GCKR: variants seen among roughly 807,000 people sequenced by gnomAD.
GCKR encodes glucokinase regulator.
A neutral mutation model predicts 82.9 loss-of-function variants in GCKR; 73 were observed. The observed-to-expected ratio is 0.88, with a 90% CI of 0.73 to 1.07. GCKR has a LOEUF of 1.07. Among genes scored for constraint, GCKR ranks in the 50% least tolerant of loss-of-function variants. The pLI, the probability that GCKR is intolerant of heterozygous loss-of-function variation, is 0.00. For missense variants in GCKR, 784 were observed against 782.1 expected (o/e 1.00, Z -0.03); for synonymous variants, 294 against 291.8 (o/e 1.01, Z -0.08).
chr2:27,522,617 T>C, intron 18 of GCKR, 23 bp downstream of exon 18: 1 of 1,602,130 alleles, frequency 6.2e-7, no homozygotes, highest in Non-Finnish European at 8.6e-7. Flanking sequence ...CTGCTGGTCA[T>C]TCAACAAATA....
chr2:27,512,001 G>A (rs990989260), intron 16 of GCKR, among the ~76,000 whole-genome samples: 2 of 152,046 alleles, frequency 1.3e-5, no homozygotes, highest in Non-Finnish European at 2.9e-5. Context: ...AGCACTTTGG[G>A]AGGCCAAGGC....
rs1395324666 is a variant in GCKR, at chr2:27,522,374, C to T, written c.1573-86C>T. 14 of 1,386,102 alleles carry T rather than the reference C, an allele frequency of 1.0e-5. No individual in the cohort carries two copies. The Admixed American group carries it at 1.7e-4, about 17-fold the overall frequency. 85.9% of individuals were successfully genotyped at this position (1,386,102 alleles called of 1,614,324 possible). On this transcript the variant is annotated intron_variant, in intron 17 of 18. Transcript: ENST00000264717. ...CAGGCCTCGGGATCCCAGCCTCTCA[C>T]TCTCATAGTTTATTCTTCTCCCTTG...
At chr2:27,518,074 C>T (rs1670052396) in intron 16 of GCKR, among the ~76,000 whole-genome samples, 2 of 152,142 alleles carry the variant, frequency 1.3e-5, no homozygotes, top group African/African-American at 4.8e-5. Flanking sequence ...GAGACATAGT[C>T]TCACTCTGTT....
At chr2:27,518,720 G>C in intron 16 of GCKR, 68 bp from the exon 17 acceptor site, 3 of 1,254,058 alleles carry the variant, frequency 2.4e-6, no homozygotes, top group Non-Finnish European at 3.5e-6. Context: ...CTGATAACAG[G>C]GCCCTGTTCA....
intron 16 of GCKR, among the ~76,000 whole-genome samples, chr2:27,516,732 A>C (rs114747981): frequency 0.01 from 1,559 of 152,304 alleles, 25 homozygotes; most frequent in African/African-American, 0.036. Context: ...TAATGGTATC[A>C]ATGGTTAGTG....
chr2:27,523,505 G>T lies in GCKR; in HGVS notation c.*66G>T, dbSNP rs557004514. Reference sequence around the variant, plus strand: ...CACTTCAGCCCAGCCCGCCCAAGGGGACTTGTGCCAGCAGAACATGTGGGA... The same window carrying T: ...CACTTCAGCCCAGCCCGCCCAAGGGTACTTGTGCCAGCAGAACATGTGGGA... On this transcript the variant is annotated 3_prime_UTR_variant, in exon 19 of 19. Transcript: ENST00000264717. 3.3e-6 allele frequency: 5 copies of T among 1,509,218 alleles called. No individual in the cohort carries two copies. The highest frequency in any genetic ancestry group is 2.7e-5 in the African/African-American group (2 of 73,384). 93.5% of individuals were successfully genotyped at this position (1,509,218 alleles called of 1,614,324 possible). A position where few individuals can be genotyped will look rare whatever the true frequency, so the allele number is the denominator to read the frequency against.
chr2:27,506,598 A>G lies in GCKR; in HGVS notation c.968+19A>G. ...GCACCAGGTGTGTGGATATGTGTTT[A>G]GAGGTGAGGATGTGGCCCGGATGGA... On this transcript the variant is annotated intron_variant, in intron 11 of 18. Transcript: ENST00000264717. 6.5e-7 allele frequency: 1 copy of G among 1,543,728 alleles called. No individual in the cohort carries two copies. Among genetic ancestry groups the G allele is most frequent in the South Asian group, 1.1e-5 (1 of 89,712 alleles).
intron 9 of GCKR, among the ~76,000 whole-genome samples, chr2:27,505,125 C>CAAAAAAAAA (rs146563052): frequency 3.9e-5 from 1 of 25,440 alleles, no homozygotes; most frequent in Non-Finnish European, 6.7e-5. Flanking sequence ...GACTCCATCT[C>CAAAAAAAAA]AAAAAAAAAA....
At chr2:27,507,155 C>T in intron 12 of GCKR, 80 bp from the exon 13 acceptor site, 1 of 1,008,136 alleles carries the variant, frequency 9.9e-7, no homozygotes, top group East Asian at 2.4e-5. Flanking sequence ...CTCCCAGTCC[C>T]ATTTTCTCCC....
chr2:27,515,995 T>G (rs1053078348), intron 16 of GCKR, among the ~76,000 whole-genome samples: 9 of 150,112 alleles, frequency 6.0e-5, no homozygotes, highest in African/African-American at 2.2e-4. Context: ...CACGCTGGTC[T>G]CAAATCCCTG....
rs148860015 is a variant in GCKR, at chr2:27,523,283, C to T, written c.1722C>T (p.Ala574=). ...AHEKEQVIPI[A]LLSLLFRCSI... is the part of the protein sequence containing the mutation. ...CTTCCCCACAGGTGATACCCATCGC[C>T]TTGCTGAGCCTCCTATTCCGGTGCT... is the stretch of plus-strand genomic sequence containing the variant. Residue 574 remains alanine (A), a synonymous_variant, in exon 19 of 19, where the codon GCC becomes GCT. Transcript: ENST00000264717. 6.1e-4 allele frequency: 979 copies of T among 1,612,802 alleles called. No individual in the cohort carries two copies. Among genetic ancestry groups the T allele is most frequent in the Non-Finnish European group, 7.9e-4 (928 of 1,179,858 alleles).
Position 27,498,815 on chromosome 2 carries a change from A to T in GCKR, c.428+18A>T. On this transcript the variant is annotated intron_variant, in intron 5 of 18. Coordinates refer to ENST00000264717, the MANE Select transcript of GCKR (RefSeq NM_001486.4). ...GGTGACAGGTAAGCCAAGTTAGCCTATGAATATTTTGTTTGACCTAAATAG... is the reference window on the plus strand; with the variant it reads ...GGTGACAGGTAAGCCAAGTTAGCCTTTGAATATTTTGTTTGACCTAAATAG... 4 of 1,475,286 alleles carry T rather than the reference A, an allele frequency of 2.7e-6. No homozygotes were observed. Among genetic ancestry groups the T allele is most frequent in the Non-Finnish European group, 3.8e-6 (4 of 1,053,130 alleles). 91.4% of individuals were successfully genotyped at this position (1,475,286 alleles called of 1,614,324 possible).
At chr2:27,514,221 ATGTT>A (rs972428942) in intron 16 of GCKR, among the ~76,000 whole-genome samples, 4 of 152,000 alleles carry the variant, frequency 2.6e-5, no homozygotes, top group African/African-American at 4.8e-5. Flanking sequence ...ATACATATGT[ATGTT>A]TGTTTACATA....
intron 16 of GCKR, among the ~76,000 whole-genome samples, chr2:27,510,606 C>T (rs1464170505): frequency 3.9e-5 from 6 of 152,220 alleles, no homozygotes; most frequent in African/African-American, 1.4e-4. Context: ...TGTTCCCTTA[C>T]ACCCTTATAC....
chr2:27,514,816 A>G (rs1669966646), intron 16 of GCKR, among the ~76,000 whole-genome samples: 1 of 152,144 alleles, frequency 6.6e-6, no homozygotes, highest in South Asian at 2.1e-4. Flanking sequence ...ATTTCCTTCC[A>G]TAGGGTTTAC....
At chr2:27,512,885 C>G (rs1669923667) in intron 16 of GCKR, among the ~76,000 whole-genome samples, 1 of 152,130 alleles carries the variant, frequency 6.6e-6, no homozygotes, top group Non-Finnish European at 1.5e-5. Flanking sequence ...CAGTTGTTTT[C>G]CAGAATATGC....
chr2:27,510,278 C>T lies in GCKR; in HGVS notation c.1422+2027C>T, dbSNP rs1572868666. Among the ~76,000 whole-genome samples, 16 of 152,002 alleles carry T rather than the reference C, an allele frequency of 1.1e-4. No individual in the cohort carries two copies. In the South Asian group the frequency reaches 3.3e-3, roughly 32 times the overall value. On this transcript the variant is annotated intron_variant, in intron 16 of 18. Transcript: ENST00000264717. ...CCCGCCTCAGCCTCCCAAAGTGCTGCGATTACAGGCGTGAGCCACCACGCC... is the reference window on the plus strand; with the variant it reads ...CCCGCCTCAGCCTCCCAAAGTGCTGTGATTACAGGCGTGAGCCACCACGCC...
chr2:27,523,603 T>G lies in GCKR; in HGVS notation c.*164T>G. 1 of 684,038 alleles carries G rather than the reference T, an allele frequency of 1.5e-6. No homozygotes were observed. The highest frequency in any genetic ancestry group is 2.6e-6 in the Non-Finnish European group (1 of 389,390). The allele number at this position is 684,038 out of a possible 1,614,324, so 42.4% of individuals were successfully genotyped here. A position where few individuals can be genotyped will look rare whatever the true frequency, so the allele number is the denominator to read the frequency against. On this transcript the variant is annotated 3_prime_UTR_variant, in exon 19 of 19. Coordinates refer to ENST00000264717, the MANE Select transcript of GCKR (RefSeq NM_001486.4). ...ATATTCTCTCCACTTTGGGGGAGAGTTCTTGCTCTCGACCTAGTGGTTTCT... is the reference window on the plus strand; with the variant it reads ...ATATTCTCTCCACTTTGGGGGAGAGGTCTTGCTCTCGACCTAGTGGTTTCT...
rs376695010 is a variant in GCKR, at chr2:27,501,707, C to T, written c.644+478C>T. The T allele has an allele frequency of 5.3e-5, 25 of 471,258 alleles. 1 individual carries two copies. Among genetic ancestry groups the T allele is most frequent in the African/African-American group, 2.6e-4 (13 of 50,166 alleles). The allele number at this position is 471,258 out of a possible 1,614,324, so 29.2% of individuals were successfully genotyped here. A position where few individuals can be genotyped will look rare whatever the true frequency, so the allele number is the denominator to read the frequency against. Reference sequence around the variant, plus strand: ...CATTCCAGGCACCCCTTTCCTCCCCCGAGGATCCTCAGATCTCTCACTGTC... The same window carrying T: ...CATTCCAGGCACCCCTTTCCTCCCCTGAGGATCCTCAGATCTCTCACTGTC... On this transcript the variant is annotated intron_variant, in intron 8 of 18. Coordinates refer to ENST00000264717, the MANE Select transcript of GCKR (RefSeq NM_001486.4).
Sources: gnomAD v4.1 joint callset for allele counts (sites outside exome capture counted in the v4.1 genomes callset) on GRCh38, gnomAD v4.1.1 for gene constraint, MANE v1.5 for transcripts, NCBI Gene and HGNC (gene_info 2026-07-23, HGNC 2026-07-21) for gene names.